Variants in MAN1A2 observed in about 807,000 individuals in gnomAD.
The protein encoded by MAN1A2 is mannosidase alpha class 1A member 2.
A neutral mutation model predicts 75.7 loss-of-function variants in MAN1A2; 26 were observed. The ratio of observed to expected loss-of-function variants is 0.34; its 90% confidence interval spans 0.25 to 0.48. The LOEUF is 0.48. Ranked by LOEUF, MAN1A2 falls within the 20% of genes least tolerant of loss-of-function variation. The pLI is 0.99. For synonymous variants in MAN1A2, 247 were observed against 264.6 expected (o/e 0.93, Z 0.65); for missense variants, 562 against 775.5 (o/e 0.72, Z 3.27).
intron 8 of MAN1A2, among the ~76,000 whole-genome samples, chr1:117,489,603 G>A (rs1280644383): frequency 2.6e-5 from 4 of 151,786 alleles, no homozygotes; most frequent in African/African-American, 7.3e-5. Flanking sequence ...TAGTCTTTTA[G>A]ATTTATTTGT....
At chr1:117,521,336 G>T (rs1651865209) in intron 12 of MAN1A2, among the ~76,000 whole-genome samples, 1 of 152,020 alleles carries the variant, frequency 6.6e-6, no homozygotes, top group African/African-American at 2.4e-5. Flanking sequence ...AAGAGCTTTT[G>T]CATGGCAAAA....
intron 11 of MAN1A2, among the ~76,000 whole-genome samples, chr1:117,501,351 G>A (rs935676029): frequency 3.3e-5 from 5 of 151,696 alleles, no homozygotes; most frequent in African/African-American, 1.2e-4. Flanking sequence ...CAAAAGAGGC[G>A]GTGTCATATC....
chr1:117,396,014 T>C (rs955291998), intron 1 of MAN1A2, among the ~76,000 whole-genome samples: 1 of 152,242 alleles, frequency 6.6e-6, no homozygotes, highest in Non-Finnish European at 1.5e-5. Context: ...AGCACCAATG[T>C]GTGACAGTAT....
chr1:117,521,599 C>G (rs762672786), intron 12 of MAN1A2, among the ~76,000 whole-genome samples: 37 of 151,944 alleles, frequency 2.4e-4, no homozygotes, highest in Non-Finnish European at 5.2e-4. Context: ...TACACAACCA[C>G]TATGGAAAAC....
At chr1:117,376,435 G>C (rs1232052541) in intron 1 of MAN1A2, among the ~76,000 whole-genome samples, 1 of 152,232 alleles carries the variant, frequency 6.6e-6, no homozygotes, top group Non-Finnish European at 1.5e-5. Context: ...GTCTGTGAAA[G>C]GTCTAATTAC....
At chr1:117,422,930 AT>A (rs1557943651) in intron 5 of MAN1A2, among the ~76,000 whole-genome samples, 1 of 152,068 alleles carries the variant, frequency 6.6e-6, no homozygotes, top group Non-Finnish European at 1.5e-5. Flanking sequence ...CAATTTACTA[AT>A]TTTGTCTTTT....
In MAN1A2 at chr1:117,525,337, A is replaced by C. The variant is rs985676419; in HGVS notation, c.*2380A>C. 4 of 227,894 alleles carry C rather than the reference A, an allele frequency of 1.8e-5. No individual in the cohort carries two copies. Among genetic ancestry groups the C allele is most frequent in the African/African-American group, 9.0e-5 (4 of 44,250 alleles). 14.1% of individuals were successfully genotyped at this position (227,894 alleles called of 1,614,324 possible). A position where few individuals can be genotyped will look rare whatever the true frequency, so the allele number is the denominator to read the frequency against. ...TCTCCTGAATACCAAAGGCAATTAA[A>C]GTCAGCTACAAATGACTTGCCAGTG... is the stretch of plus-strand genomic sequence containing the variant. On this transcript the variant is annotated 3_prime_UTR_variant, in exon 13 of 13. Coordinates refer to ENST00000356554, the MANE Select transcript of MAN1A2 (RefSeq NM_006699.5).
intron 8 of MAN1A2, among the ~76,000 whole-genome samples, chr1:117,488,576 C>T (rs1650786247): frequency 6.6e-6 from 1 of 151,976 alleles, no homozygotes; most frequent in Non-Finnish European, 1.5e-5. Context: ...AAAATGGTGT[C>T]ATTAGGTATT....
chr1:117,486,366 A>G (rs1037423993), intron 8 of MAN1A2, among the ~76,000 whole-genome samples: 2 of 151,964 alleles, frequency 1.3e-5, no homozygotes, highest in Admixed American at 1.3e-4. Flanking sequence ...TGTGGGTTAT[A>G]CAAGTATTCT....
intron 1 of MAN1A2, among the ~76,000 whole-genome samples, chr1:117,374,055 G>A (rs1382475450): frequency 6.6e-6 from 1 of 152,088 alleles, no homozygotes; most frequent in Admixed American, 6.5e-5. Flanking sequence ...AACTTATGTG[G>A]GAGGTGGAGG....
chr1:117,518,057 T>G (rs77438675), intron 12 of MAN1A2, among the ~76,000 whole-genome samples: 2 of 151,948 alleles, frequency 1.3e-5, no homozygotes, highest in East Asian at 3.9e-4. Context: ...TTCATGAATT[T>G]CATAAAAATA....
intron 1 of MAN1A2, among the ~76,000 whole-genome samples, chr1:117,395,152 C>T (rs1653866411): frequency 2.0e-5 from 3 of 152,100 alleles, no homozygotes; most frequent in South Asian, 4.1e-4. Flanking sequence ...TTTTATTTAG[C>T]AGGATCATGG....
chr1:117,419,964 A>AT (rs1557942444), intron 4 of MAN1A2, among the ~76,000 whole-genome samples: 1 of 151,996 alleles, frequency 6.6e-6, no homozygotes, highest in Non-Finnish European at 1.5e-5. Flanking sequence ...TACTTTAAAA[A>AT]TTTTTTTAAA....
At chr1:117,464,571 G>T (rs1649926980) in intron 7 of MAN1A2, among the ~76,000 whole-genome samples, 1 of 152,030 alleles carries the variant, frequency 6.6e-6, no homozygotes, top group Admixed American at 6.6e-5. Flanking sequence ...GGTGTAACTT[G>T]ACATACAAAA....
intron 7 of MAN1A2, 78 bp from the exon 8 acceptor site, chr1:117,466,256 A>C: frequency 1.1e-6 from 1 of 927,724 alleles, no homozygotes; most frequent in Admixed American, 2.4e-5. Flanking sequence ...AGTAAGAAAA[A>C]ACACAAAGCC....
chr1:117,408,318 A>AG (rs1171445623), intron 3 of MAN1A2, among the ~76,000 whole-genome samples: 1 of 151,788 alleles, frequency 6.6e-6, no homozygotes, highest in East Asian at 1.9e-4. Context: ...AAAAAAAAAA[A>AG]AAAAGCAGAA....
chr1:117,446,232 A>T (rs1467492835), intron 6 of MAN1A2, among the ~76,000 whole-genome samples: 1 of 151,436 alleles, frequency 6.6e-6, no homozygotes, highest in Non-Finnish European at 1.5e-5. Flanking sequence ...TCAAAAAAGT[A>T]CTTCTGTTTT....
chr1:117,447,612 G>A lies in MAN1A2; in HGVS notation c.950+5287G>A, dbSNP rs1372994768. 2.8e-4 allele frequency among the ~76,000 whole-genome samples: 42 copies of A among 151,802 alleles called. 1 individual carries two copies. Among genetic ancestry groups the A allele is most frequent in the Admixed American group, 2.8e-3 (42 of 15,230 alleles). ...CTCTTATCGAACCTTTTGAAAATAT[G>A]GTTTACTTTTATTTATCAGATAGAT... On this transcript the variant is annotated intron_variant, in intron 6 of 12. Coordinates refer to ENST00000356554, the MANE Select transcript of MAN1A2 (RefSeq NM_006699.5).
chr1:117,411,223 A>G (rs1369115258), intron 3 of MAN1A2, among the ~76,000 whole-genome samples: 1 of 151,814 alleles, frequency 6.6e-6, no homozygotes, highest in African/African-American at 2.4e-5. Flanking sequence ...TCAGGACAGT[A>G]TGGTTTTAGC....
Sources: gnomAD v4.1 joint callset for allele counts (sites outside exome capture counted in the v4.1 genomes callset) on GRCh38, gnomAD v4.1.1 for gene constraint, MANE v1.5 for transcripts, NCBI Gene and HGNC (gene_info 2026-07-23, HGNC 2026-07-21) for gene names.